The following UNC79 variants were observed in gnomAD, a reference collection of about 807,000 sequenced individuals.
The protein encoded by UNC79 is protein unc-79 homolog.
In UNC79, 37 loss-of-function variants were observed where a neutral mutation model predicts 283.1. The ratio of observed to expected loss-of-function variants is 0.13; its 90% CI spans 0.10 to 0.17. The LOEUF (loss-of-function observed/expected upper bound fraction) is 0.17, where lower values mean the gene tolerates loss of function less well. Among genes scored for constraint, UNC79 ranks in the 10% least tolerant of loss-of-function variants. UNC79 has a pLI of 1.00. For missense variants in UNC79, 2,272 were observed against 3,211.1 expected, an observed-to-expected ratio of 0.71 and a Z score of 7.07; for synonymous variants, 1,107 against 1,200.2, an observed-to-expected ratio of 0.92 and a Z score of 1.61.
chr14:93,357,830 GATAT>G (rs1566890045), intron 1 of UNC79, among the ~76,000 whole-genome samples: 1 of 81,444 alleles, frequency 1.2e-5, no homozygotes, highest in Non-Finnish European at 2.7e-5. Context: ...TGGATATATG[GATAT>G]GTATATATAT....
At chr14:93,421,228 G>A (rs998600335) in intron 1 of UNC79, among the ~76,000 whole-genome samples, 1 of 151,482 alleles carries the variant, frequency 6.6e-6, no homozygotes, top group African/African-American at 2.4e-5. Context: ...AAAAAAGAGG[G>A]AAGACTCAAA....
chr14:93,498,368 C>T (rs2059121370), intron 7 of UNC79, among the ~76,000 whole-genome samples: 1 of 151,996 alleles, frequency 6.6e-6, no homozygotes, highest in Admixed American at 6.6e-5. Context: ...GCGGGTGGAT[C>T]ACAAGGTCAG....
chr14:93,566,715 G>A lies in UNC79; in HGVS notation c.1756-5179G>A, dbSNP rs563753697. Reference sequence around the variant, plus strand: ...TGCAGTGGCATGATCTCGGCTCACTGCAACCTCTGCCTCCCGGGTTCAAGC... The same window carrying A: ...TGCAGTGGCATGATCTCGGCTCACTACAACCTCTGCCTCCCGGGTTCAAGC... On this transcript the variant is annotated intron_variant, in intron 14 of 48. Transcript: ENST00000555664. Among the ~76,000 whole-genome samples, 35 of 147,628 alleles carry A rather than the reference G, an allele frequency of 2.4e-4. 2 individuals carry two copies. Among genetic ancestry groups the A allele is most frequent in the African/African-American group, 8.0e-4 (32 of 39,814 alleles).
At chr14:93,524,073 G>C (rs1260456645) in intron 8 of UNC79, 31 bp downstream of exon 8, 3 of 1,611,418 alleles carry the variant, frequency 1.9e-6, no homozygotes, top group Admixed American at 3.3e-5. Flanking sequence ...GTGCCATACT[G>C]TATTGTCAGT....
downstream of UNC79, chr14:93,707,002 C>A: frequency 1.5e-6 from 2 of 1,377,848 alleles, no homozygotes; most frequent in Non-Finnish European, 2.0e-6. Context: ...CATATTGGTA[C>A]TGTACATTCT....
intron 1 of UNC79, among the ~76,000 whole-genome samples, chr14:93,412,435 G>A (rs946290682): frequency 6.6e-6 from 1 of 152,004 alleles, no homozygotes; most frequent in African/African-American, 2.4e-5. Context: ...GTTCAAGAAG[G>A]CTATAGAACA....
chr14:93,522,837 G>A (rs527536917), intron 7 of UNC79, among the ~76,000 whole-genome samples: 41 of 152,064 alleles, frequency 2.7e-4, no homozygotes, highest in Admixed American at 2.1e-3. Context: ...CTATATTTCC[G>A]TGAATCCCCA....
intron 1 of UNC79, among the ~76,000 whole-genome samples, chr14:93,370,082 T>C (rs1320274346): frequency 6.6e-6 from 1 of 152,190 alleles, no homozygotes; most frequent in East Asian, 1.9e-4. Flanking sequence ...CTTCCCCTCA[T>C]ACCTAATCAC....
At chr14:93,341,777 C>G (rs1489588651) in intron 1 of UNC79, among the ~76,000 whole-genome samples, 1 of 152,136 alleles carries the variant, frequency 6.6e-6, no homozygotes, top group African/African-American at 2.4e-5. Context: ...AACCCCTCCT[C>G]TCTGCCAAGG....
At chr14:93,461,260 G>A (rs2056952576) in intron 1 of UNC79, among the ~76,000 whole-genome samples, 1 of 152,102 alleles carries the variant, frequency 6.6e-6, no homozygotes, top group Admixed American at 6.5e-5. Context: ...AAATAGGGAT[G>A]GATCTCTGTT....
intron 31 of UNC79, among the ~76,000 whole-genome samples, chr14:93,633,535 G>A (rs1262907683): frequency 6.6e-6 from 1 of 152,152 alleles, no homozygotes; most frequent in Non-Finnish European, 1.5e-5. Flanking sequence ...GATAGCTTCA[G>A]TTTCTGAAGT....
intron 7 of UNC79, among the ~76,000 whole-genome samples, chr14:93,523,059 T>C (rs1168134924): frequency 3.3e-5 from 5 of 152,194 alleles, no homozygotes; most frequent in African/African-American, 1.2e-4. Flanking sequence ...GCCAACATAG[T>C]CCTGTGAGTT....
intron 29 of UNC79, among the ~76,000 whole-genome samples, chr14:93,619,667 A>G (rs2139890492): frequency 1.3e-5 from 2 of 152,258 alleles, no homozygotes; most frequent in South Asian, 2.1e-4. Flanking sequence ...TTTCATCTAA[A>G]ATTTACTACT....
chr14:93,379,220 A>T (rs992882925), intron 1 of UNC79, among the ~76,000 whole-genome samples: 3 of 152,112 alleles, frequency 2.0e-5, no homozygotes, highest in Non-Finnish European at 2.9e-5. Context: ...CTTTATCAAC[A>T]TCTTTTACTT....
At chr14:93,660,563 A>ATATATATGTGTGTGTG (rs1203621990) in intron 39 of UNC79, among the ~76,000 whole-genome samples, 53 of 64,750 alleles carry the variant, frequency 8.2e-4, no homozygotes, top group Non-Finnish European at 1.3e-3. Context: ...ATATATATAT[A>ATATATATGTGTGTGTG]TGTGTGTGTG....
intron 14 of UNC79, among the ~76,000 whole-genome samples, chr14:93,553,300 T>G (rs1028611397): frequency 3.3e-5 from 5 of 152,198 alleles, no homozygotes; most frequent in Admixed American, 1.3e-4. Flanking sequence ...GTCAGCAGCA[T>G]TTCTGGAAGA....
chr14:93,516,442 AT>A (rs1179706920), intron 7 of UNC79, among the ~76,000 whole-genome samples: 19 of 41,334 alleles, frequency 4.6e-4, no homozygotes, highest in African/African-American at 7.6e-4. Context: ...CTGCTTGGAT[AT>A]TTTTTTTGGG....
chr14:93,338,146 G>A (rs2053620717), intron 1 of UNC79, among the ~76,000 whole-genome samples: 1 of 152,148 alleles, frequency 6.6e-6, no homozygotes, highest in African/African-American at 2.4e-5. Context: ...CCTAGCAGGT[G>A]TGAGCAAAAC....
chr14:93,439,032 A>G (rs1235203477), intron 1 of UNC79, among the ~76,000 whole-genome samples: 1 of 152,026 alleles, frequency 6.6e-6, no homozygotes, highest in Non-Finnish European at 1.5e-5. Context: ...CATGAAGGCT[A>G]TTGAGTTTTT....
Sources: gnomAD v4.1 joint callset for allele counts (sites outside exome capture counted in the v4.1 genomes callset) on GRCh38, gnomAD v4.1.1 for gene constraint, MANE v1.5 for transcripts, NCBI Gene and HGNC (gene_info 2026-07-23, HGNC 2026-07-21) for gene names.